NPHS1: variants seen among roughly 807,000 people sequenced by gnomAD.
NPHS1 encodes the protein nephrin.
Under a neutral mutation model 139.7 loss-of-function variants are expected in NPHS1, and 107 were observed. The observed-to-expected ratio is 0.77, with a 90% CI of 0.66 to 0.90. The LOEUF is 0.90. Ranked by LOEUF, NPHS1 falls within the 40% of genes least tolerant of loss-of-function variation. NPHS1 has a pLI of 0.00. For synonymous variants in NPHS1, 707 were observed against 706.6 expected, an observed-to-expected ratio of 1.00 and a Z score of -0.01; for missense variants, 1,580 against 1,654.2, an observed-to-expected ratio of 0.96 and a Z score of 0.78.
rs1973117086 is a variant in NPHS1 at position 35,845,173 on chromosome 19, G to A, written c.1930+195C>T. Among the ~76,000 whole-genome samples, 1 of 152,184 alleles carries A rather than the reference G, an allele frequency of 6.6e-6. No homozygotes were observed. Among genetic ancestry groups the A allele is most frequent in the Admixed American group, 6.5e-5 (1 of 15,276 alleles). The stretch of plus-strand genomic sequence containing the variant: ...TAGTCTCAGCTACTCGGGAGGCTGA[G>A]GTGGGAGTATCACTTGAGCTCAGGA... On this transcript the variant is annotated intron_variant, in intron 14 of 28. Transcript: ENST00000378910. This position sits in a 1 kb window ranked among gnomAD's most constrained non-coding sequence, Gnocchi z 5.5.
At chr19:35,832,521 G>GTGA (rs1291894261) in intron 23 of NPHS1, among the ~76,000 whole-genome samples, 2 of 150,672 alleles carry the variant, frequency 1.3e-5, no homozygotes, top group Admixed American at 6.7e-5. Context: ...TCCAGCCTGG[G>GTGA]CAGCAGAGCA....
rs1973091322 is a variant in NPHS1, at chr19:35,843,599, G to A, written c.2213-6C>T. 6.2e-7 allele frequency: 1 copy of A among 1,613,808 alleles called. No individual in the cohort carries two copies. The highest frequency in any genetic ancestry group is 1.1e-5 in the South Asian group (1 of 91,084). ...GGCACGGATGGTGGGAGCATCTGGT[G>A]GAAGGCAGAGGCTTGGGGAAGACAC... On this transcript the variant is annotated splice_region_variant and splice_polypyrimidine_tract_variant and intron_variant, in intron 16 of 28. Coordinates refer to ENST00000378910, the MANE Select transcript of NPHS1 (RefSeq NM_004646.4).
At chr19:35,827,139 C>T (rs1026777459) in intron 28 of NPHS1, among the ~76,000 whole-genome samples, 1 of 151,904 alleles carries the variant, frequency 6.6e-6, no homozygotes, top group African/African-American at 2.4e-5. Flanking sequence ...CCACACCCAG[C>T]TAACTTTTGA....
At position 35,826,280 on chromosome 19, in the gene NPHS1, C is replaced by A; in HGVS notation, c.*234G>T. 1 of 540,452 alleles carries A rather than the reference C, an allele frequency of 1.9e-6. No homozygotes were observed. 33.5% of individuals were successfully genotyped at this position (540,452 alleles called of 1,614,324 possible). On this transcript the variant is annotated 3_prime_UTR_variant, in exon 29 of 29. Coordinates refer to ENST00000378910, the MANE Select transcript of NPHS1 (RefSeq NM_004646.4). Reference sequence around the variant, plus strand: ...TTTTTGAGACGACGTTTACAATCTGCCCTGTCCTTTTGGAGAAGTTTAGTT... The same window carrying A: ...TTTTTGAGACGACGTTTACAATCTGACCTGTCCTTTTGGAGAAGTTTAGTT...
At position 35,826,532 on chromosome 19, in the gene NPHS1, C is replaced by T. The variant is rs1972802639; in HGVS notation, c.3708G>A (p.Leu1236=). Residue 1236 remains leucine, a synonymous_variant, in exon 29 of 29, where the codon CTG becomes CTA. Coordinates refer to ENST00000378910, the MANE Select transcript of NPHS1 (RefSeq NM_004646.4). ...AGGGCTCTTACACCAGATGTCCCCT[C>T]AGCTCGAAGGGCAGAGAATCGGGTT... ...TLEPDSLPFE[L]RGHLV The T allele has an allele frequency of 6.2e-7, 1 of 1,613,862 alleles. No homozygotes were observed. Among genetic ancestry groups the T allele is most frequent in the Non-Finnish European group, 8.5e-7 (1 of 1,180,020 alleles).
Position 35,850,379 on chromosome 19 carries a change from A to C in NPHS1, c.593T>G (p.Val198Gly). The C allele has an allele frequency of 3.1e-6, 5 of 1,613,982 alleles. No homozygotes were observed. The highest frequency in any genetic ancestry group is 4.2e-6 in the Non-Finnish European group (5 of 1,179,876). The change falls in exon 5 of 29, where the codon GTG (valine) becomes GGG (glycine). Residue 198 changes from valine (V) to glycine (G), a missense_variant. Coordinates refer to ENST00000378910, the MANE Select transcript of NPHS1 (RefSeq NM_004646.4). Reference sequence around the variant, plus strand: ...GTTTCCACACCTGGCTGTGGCCTCCACAGTGAAGAGTTTCTGCTGGGAGCC... The same window carrying C: ...GTTTCCACACCTGGCTGTGGCCTCCCCAGTGAAGAGTTTCTGCTGGGAGCC... ...NEGSQQKLFTVEATARVTPRS... is the reference protein window; with the variant it reads ...NEGSQQKLFTGEATARVTPRS...
intron 26 of NPHS1, 35 bp from the exon 27 acceptor site, chr19:35,831,181 C>A (rs1568449076): frequency 2.5e-6 from 4 of 1,612,422 alleles, no homozygotes; most frequent in Non-Finnish European, 3.4e-6. Flanking sequence ...AAAGCCCTTT[C>A]CATCCTCTGA....
chr19:35,850,873 C>T, intron 4 of NPHS1, 88 bp downstream of exon 4: 2 of 1,525,894 alleles, frequency 1.3e-6, no homozygotes, highest in Non-Finnish European at 1.8e-6. Flanking sequence ...TTTCTGGGGC[C>T]CTTAGAAGGG....
Position 35,851,759 on chromosome 19 carries a change from CA to C in NPHS1, c.58+20del. 6 of 1,555,252 alleles carry C rather than the reference CA, an allele frequency of 3.9e-6. No homozygotes were observed. The highest frequency in any genetic ancestry group is 5.2e-6 in the Non-Finnish European group (6 of 1,149,044). ...AATGGGGGCCACTTGGCGCTGGGTA[CA>C]AGGCTGGGATCCCACTCACCTTCAG... On this transcript the variant is annotated intron_variant, in intron 1 of 28. Coordinates refer to ENST00000378910, the MANE Select transcript of NPHS1 (RefSeq NM_004646.4).
chr19:35,836,201 C>T (rs1471461250), intron 22 of NPHS1, among the ~76,000 whole-genome samples: 4 of 146,340 alleles, frequency 2.7e-5, no homozygotes, highest in African/African-American at 1.0e-4. Context: ...CCTCGTGATT[C>T]GCCCACCTCG....
At chr19:35,849,753 G>A in intron 5 of NPHS1, 100 bp from the exon 6 acceptor site, 1 of 830,812 alleles carries the variant, frequency 1.2e-6, no homozygotes, top group Admixed American at 1.9e-5. Context: ...CCCACACCTG[G>A]TCTAAGTCCC....
rs1342162613 is a variant in NPHS1, at chr19:35,845,998, G to T, written c.1627+10C>A. 11 of 1,567,402 alleles carry T rather than the reference G, an allele frequency of 7.0e-6. No individual in the cohort carries two copies. The highest frequency in any genetic ancestry group is 1.9e-5 in the Admixed American group (1 of 53,208). On this transcript the variant is annotated intron_variant, in intron 12 of 28. Coordinates refer to ENST00000378910, the MANE Select transcript of NPHS1 (RefSeq NM_004646.4). The surrounding 1 kb of genome is among the most constrained non-coding windows in gnomAD (Gnocchi z 5.5). Reference sequence around the variant, plus strand: ...CCCCGCCCCCGGGCCTCAGCAGTGCGAGCCCTCACACTGCACCGCCAGCTG... The same window carrying T: ...CCCCGCCCCCGGGCCTCAGCAGTGCTAGCCCTCACACTGCACCGCCAGCTG...
intron 11 of NPHS1, 80 bp from the exon 12 acceptor site, chr19:35,846,274 G>A: frequency 7.0e-7 from 1 of 1,437,760 alleles, no homozygotes; most frequent in Non-Finnish European, 9.4e-7. Flanking sequence ...CTGCCCACTG[G>A]GTTGGTGCCG....
At chr19:35,842,713 T>A (rs1381527797) in intron 17 of NPHS1, among the ~76,000 whole-genome samples, 163 bp from the exon 18 acceptor site, 1 of 152,080 alleles carries the variant, frequency 6.6e-6, no homozygotes, top group Non-Finnish European at 1.5e-5. Flanking sequence ...ATTTACTCAA[T>A]CCATCTTTTC....
At chr19:35,850,508 T>C in intron 4 of NPHS1, 63 bp from the exon 5 acceptor site, 3 of 1,443,888 alleles carry the variant, frequency 2.1e-6, no homozygotes, top group South Asian at 2.3e-5. Flanking sequence ...CTGGGGAGCA[T>C]GGCCTGGAAG....
At chr19:35,827,874 G>A (rs1039049890) in intron 28 of NPHS1, among the ~76,000 whole-genome samples, 7 of 152,108 alleles carry the variant, frequency 4.6e-5, no homozygotes, top group Admixed American at 1.3e-4. Flanking sequence ...CTGAGATTGT[G>A]CTACTGCACT....
chr19:35,839,057 T>C (rs1484052432), intron 22 of NPHS1, among the ~76,000 whole-genome samples, 180 bp downstream of exon 22: 1 of 152,214 alleles, frequency 6.6e-6, no homozygotes, highest in African/African-American at 2.4e-5. Context: ...TGGTCTCAAG[T>C]TCATCTGCCT....
rs1423380467 is a variant in NPHS1, at chr19:35,852,503, T to A, written c.-666A>T. ...TCTCTGACCCAGCTTGAGCTCATTC[T>A]CACAGTGCAACCTCCCCCAGGTACC... On this transcript the variant is annotated 5_prime_UTR_variant, in exon 1 of 29. Transcript: ENST00000378910. Among the ~76,000 whole-genome samples the A allele has an allele frequency of 6.6e-6, 1 of 152,108 alleles. No individual in the cohort carries two copies. Among genetic ancestry groups the A allele is most frequent in the African/African-American group, 2.4e-5 (1 of 41,436 alleles).
intron 28 of NPHS1, among the ~76,000 whole-genome samples, chr19:35,828,189 C>T (rs1382121149): frequency 6.6e-6 from 1 of 152,180 alleles, no homozygotes; most frequent in Non-Finnish European, 1.5e-5. Flanking sequence ...AGCAGATTGG[C>T]CCATGCTCCA....
Sources: gnomAD v4.1 joint callset for allele counts (sites outside exome capture counted in the v4.1 genomes callset) on GRCh38, gnomAD v4.1.1 for gene constraint, Gnocchi (gnomAD v3.1) non-coding constraint, MANE v1.5 for transcripts, NCBI Gene and HGNC (gene_info 2026-07-23, HGNC 2026-07-21) for gene names.